PGLYRP2: variants seen among roughly 807,000 people sequenced by gnomAD.
PGLYRP2 encodes the protein N-acetylmuramoyl-L-alanine amidase.
PGLYRP2 carries 38 observed loss-of-function variants against 46.2 expected under a neutral mutation model. The ratio of observed to expected loss-of-function variants is 0.82; its 90% confidence interval spans 0.64 to 1.08. The LOEUF (loss-of-function observed/expected upper bound fraction) is 1.08, where lower values mean the gene tolerates loss of function less well. PGLYRP2 is among the 50% of genes least tolerant of loss of function. PGLYRP2 has a pLI of 0.00. For missense variants in PGLYRP2, 713 were observed against 755.9 expected, an observed-to-expected ratio of 0.94 and a Z score of 0.67; for synonymous variants, 289 against 329.4, an observed-to-expected ratio of 0.88 and a Z score of 1.33.
chr19:15,471,451 G>C (rs1371407474), intron 3 of PGLYRP2, among the ~76,000 whole-genome samples: 3 of 151,294 alleles, frequency 2.0e-5, no homozygotes, highest in Non-Finnish European at 4.4e-5. Context: ...TGGGTGGTGT[G>C]GGGGGGTGTC....
intron 2 of PGLYRP2, 32 bp from the exon 3 acceptor site, chr19:15,472,132 G>A: frequency 6.4e-7 from 1 of 1,563,456 alleles, no homozygotes; most frequent in South Asian, 1.1e-5. Flanking sequence ...GCTGGGGTCA[G>A]GAACTGTTTC....
At chr19:15,473,906 A>G (rs1020513842) in intron 2 of PGLYRP2, among the ~76,000 whole-genome samples, 20 of 152,348 alleles carry the variant, frequency 1.3e-4, no homozygotes, top group African/African-American at 4.8e-4. Flanking sequence ...AAAGACATTA[A>G]TAGACATTTT....
chr19:15,471,421 G>T (rs1970747821), intron 3 of PGLYRP2, among the ~76,000 whole-genome samples: 1 of 151,148 alleles, frequency 6.6e-6, no homozygotes, highest in African/African-American at 2.4e-5. Flanking sequence ...GCCTTTTTAA[G>T]TTTTTTTTGT....
intron 2 of PGLYRP2, among the ~76,000 whole-genome samples, chr19:15,473,276 C>T (rs1008052830): frequency 2.0e-5 from 3 of 151,756 alleles, no homozygotes; most frequent in Non-Finnish European, 4.4e-5. Context: ...TTGAGACCAG[C>T]CTGGCCAACA....
intron 2 of PGLYRP2, 146 bp downstream of exon 2, chr19:15,475,392 A>G: frequency 1.4e-6 from 1 of 720,530 alleles, no homozygotes; most frequent in Non-Finnish European, 2.3e-6. Context: ...GCATTTCCTC[A>G]CCTGTGCAGC....
chr19:15,475,095 A>G (rs1970781653), intron 2 of PGLYRP2, among the ~76,000 whole-genome samples: 1 of 152,198 alleles, frequency 6.6e-6, no homozygotes, highest in African/African-American at 2.4e-5. Context: ...GTTCTCACTT[A>G]TAAATGGGAG....
chr19:15,469,762 G>T lies in PGLYRP2; in HGVS notation c.1511C>A (p.Pro504Gln). The change falls in exon 4 of 5, where the codon CCG (proline) becomes CAG (glutamine). Residue 504 changes from proline (P) to glutamine (Q), a missense_variant. Pro to Gln is a moderately conservative substitution (Grantham distance 76). Transcript: ENST00000340880. The surrounding 1 kb of genome is among the most constrained non-coding windows in gnomAD (Gnocchi z 4.9). ...GAGGCCGGCGCGCACCGCACAACTC[G>T]GGAGCGTGTCGCGCACCGTGCGCAG... ...AALRTVRDTL[P>Q]SCAVRAGLLR... is the part of the protein sequence containing the mutation. 1 of 1,508,260 alleles carries T rather than the reference G, an allele frequency of 6.6e-7. No homozygotes were observed. The highest frequency in any genetic ancestry group is 2.0e-4 in the Middle Eastern group (1 of 4,942). The allele number at this position is 1,508,260 out of a possible 1,614,324, so 93.4% of individuals were successfully genotyped here.
At chr19:15,476,638 C>T in intron 1 of PGLYRP2, 30 bp from the exon 2 acceptor site, 1 of 1,513,030 alleles carries the variant, frequency 6.6e-7, no homozygotes, top group Non-Finnish European at 8.9e-7. Context: ...GTTAGCCCAG[C>T]CCCACCCATT....
At chr19:15,474,310 C>T (rs1444298950) in intron 2 of PGLYRP2, among the ~76,000 whole-genome samples, 1 of 152,082 alleles carries the variant, frequency 6.6e-6, no homozygotes, top group Non-Finnish European at 1.5e-5. Flanking sequence ...GCACTCCAGC[C>T]TGGGAGACAA....
In PGLYRP2 at chr19:15,476,325, A is replaced by C; in HGVS notation, c.345T>G (p.Asp115Glu). Residue 115 changes from aspartate to glutamate, a missense_variant, in exon 2 of 5, where the codon GAT becomes GAG. Transcript: ENST00000340880. ...GAGGCTCCACAGCCACGGTCGAGCC[A>C]TCAGGTGCCAGCACCACCCCATATT... ...GKEYGVVLAP[D>E]GSTVAVEPLL... 1.2e-6 allele frequency: 2 copies of C among 1,614,164 alleles called. No individual in the cohort carries two copies. The highest frequency in any genetic ancestry group is 1.7e-6 in the Non-Finnish European group (2 of 1,180,034).
In PGLYRP2 at chr19:15,476,640, C is replaced by A. The variant is rs780704096; in HGVS notation, c.62-32G>T. 6 of 1,503,622 alleles carry A rather than the reference C, an allele frequency of 4.0e-6. No individual in the cohort carries two copies. In the African/African-American group the frequency reaches 6.9e-5, roughly 17 times the overall value. 93.1% of individuals were successfully genotyped at this position (1,503,622 alleles called of 1,614,324 possible). The stretch of plus-strand genomic sequence containing the variant: ...GAGGAAAGAATGTGTTAGCCCAGCC[C>A]CACCCATTCCTGAGCCTCCTTGTAT... On this transcript the variant is annotated intron_variant, in intron 1 of 4. Coordinates refer to ENST00000340880, the MANE Select transcript of PGLYRP2 (RefSeq NM_052890.4).
Position 15,475,996 on chromosome 19 carries a change from C to T in PGLYRP2, c.674G>A (p.Gly225Glu), listed in dbSNP as rs765503342. 1.7e-5 allele frequency: 27 copies of T among 1,614,034 alleles called. No individual in the cohort carries two copies. Among genetic ancestry groups the T allele is most frequent in the Admixed American group, 3.3e-5 (2 of 59,992 alleles). ...TCGGAGGAAGGTCAGGCCCAGGTTT[C>T]CAGCCAGGGTGACTGCCAGGAGGCT... ...VDSLLAVTLA[G>E]NLGLTFLRGS... Residue 225 changes from glycine to glutamate, a missense_variant, in exon 2 of 5, where the codon GGA (glycine) becomes GAA (glutamate). Gly to Glu is a moderately conservative substitution (Grantham distance 98). Coordinates refer to ENST00000340880, the MANE Select transcript of PGLYRP2 (RefSeq NM_052890.4).
intron 3 of PGLYRP2, among the ~76,000 whole-genome samples, chr19:15,471,617 C>G (rs1970749726): frequency 6.6e-6 from 1 of 152,150 alleles, no homozygotes. Flanking sequence ...CAGACTCTGC[C>G]ACAGGTCCCG....
At position 15,475,680 on chromosome 19, in the gene PGLYRP2, G is replaced by A. The variant is rs566477628; in HGVS notation, c.990C>T (p.Ser330=). The A allele has an allele frequency of 1.1e-5, 17 of 1,614,190 alleles. No homozygotes were observed. In the South Asian group the frequency reaches 1.4e-4, roughly 14 times the overall value. ...RQNGAALTSA[S]ILAQQVWGTL... ...TTCCCCACACCTGCTGGGCCAGGAT[G>A]GAGGCTGAAGTCAGAGCAGCACCGT... The change falls in exon 2 of 5, where the codon TCC becomes TCT. Residue 330 remains serine, a synonymous_variant. Transcript: ENST00000340880.
chr19:15,474,716 T>C (rs1019068933), intron 2 of PGLYRP2, among the ~76,000 whole-genome samples: 1 of 152,118 alleles, frequency 6.6e-6, no homozygotes, highest in Non-Finnish European at 1.5e-5. Context: ...TGGCTGGGCA[T>C]GGTGGCTCAC....
In PGLYRP2 at chr19:15,479,349, A is replaced by C; in HGVS notation, c.23T>G (p.Ile8Ser). 6.2e-7 allele frequency: 1 copy of C among 1,614,116 alleles called. No individual in the cohort carries two copies. The change falls in exon 1 of 5, where the codon ATC (isoleucine) becomes AGC (serine). Residue 8 changes from isoleucine (I) to serine (S), a missense_variant. Coordinates refer to ENST00000340880, the MANE Select transcript of PGLYRP2 (RefSeq NM_052890.4). MAQGVLW[I>S]LLGLLLWSDP... Reference sequence around the variant, plus strand: ...TGACCACAGTAGCAATCCGAGTAGGATCCAGAGGACACCCTGGGCCATTGT... The same window carrying C: ...TGACCACAGTAGCAATCCGAGTAGGCTCCAGAGGACACCCTGGGCCATTGT...
At chr19:15,478,814 G>T (rs933640047) in intron 1 of PGLYRP2, among the ~76,000 whole-genome samples, 1 of 151,964 alleles carries the variant, frequency 6.6e-6, no homozygotes, top group African/African-American at 2.4e-5. Context: ...TAGAGATGGG[G>T]TTTCACCATG....
chr19:15,470,350 G>A (rs1480998651), intron 3 of PGLYRP2, among the ~76,000 whole-genome samples: 3 of 147,250 alleles, frequency 2.0e-5, no homozygotes, highest in African/African-American at 7.6e-5. Context: ...AGGCTGAAGT[G>A]CAAGGGCGCG....
At chr19:15,471,289 A>G (rs567310978) in intron 3 of PGLYRP2, among the ~76,000 whole-genome samples, 28 of 149,344 alleles carry the variant, frequency 1.9e-4, no homozygotes, top group African/African-American at 6.9e-4. Flanking sequence ...ATTTTTTTGT[A>G]TTTTTTAGTA....
Sources: gnomAD v4.1 joint callset for allele counts (sites outside exome capture counted in the v4.1 genomes callset) on GRCh38, gnomAD v4.1.1 for gene constraint, Gnocchi (gnomAD v3.1) non-coding constraint, MANE v1.5 for transcripts, NCBI Gene and HGNC (gene_info 2026-07-23, HGNC 2026-07-21) for gene names.